CD226: variants seen among roughly 807,000 people sequenced by gnomAD.
The protein encoded by CD226 is CD226 antigen.
A neutral mutation model predicts 34.9 loss-of-function variants in CD226; 24 were observed. The ratio of observed to expected loss-of-function variants is 0.69; its 90% CI spans 0.50 to 0.97. CD226 has a LOEUF of 0.97. CD226 is among the 50% of genes least tolerant of loss of function. CD226 has a pLI of 0.00. For synonymous variants in CD226, 148 were observed against 147.4 expected (o/e 1.00, Z -0.03); for missense variants, 397 against 412.7 (o/e 0.96, Z 0.33).
Position 69,858,523 on chromosome 18 carries a change from T to TG in CD226, c.*5790dup, listed in dbSNP as rs1001866790. ...TAGGGGCTCAGGACTCATCCGAACG[T>TG]GGGGTACTGATGCTGCTCAGATTCA... On this transcript the variant is annotated 3_prime_UTR_variant, in exon 6 of 6. Coordinates refer to ENST00000582621, the MANE Select transcript of CD226 (RefSeq NM_001303618.2). The TG allele has an allele frequency of 4.6e-5, 7 of 152,034 alleles. No individual in the cohort carries two copies. Among genetic ancestry groups the TG allele is most frequent in the African/African-American group, 1.7e-4 (7 of 41,384 alleles). 9.4% of individuals were successfully genotyped at this position (152,034 alleles called of 1,614,324 possible). A position where few individuals can be genotyped will look rare whatever the true frequency, so the allele number is the denominator to read the frequency against.
At chr18:69,954,782 G>A (rs1234155922) in intron 1 of CD226, among the ~76,000 whole-genome samples, 1 of 152,154 alleles carries the variant, frequency 6.6e-6, no homozygotes, top group East Asian at 1.9e-4. Flanking sequence ...TCGAATGAAA[G>A]GGGCAGAAAG....
chr18:69,909,341 T>G (rs946552400), intron 2 of CD226, among the ~76,000 whole-genome samples: 1 of 152,144 alleles, frequency 6.6e-6, no homozygotes, highest in African/African-American at 2.4e-5. Flanking sequence ...CCATTCCCAC[T>G]TCTGCCAAAT....
chr18:69,905,507 G>A (rs1568184452), intron 2 of CD226, among the ~76,000 whole-genome samples: 1 of 152,154 alleles, frequency 6.6e-6, no homozygotes. Context: ...CTGCCAAGGT[G>A]AGTGCACCGC....
At chr18:69,938,150 T>A (rs117472635) in intron 2 of CD226, among the ~76,000 whole-genome samples, 1 of 152,118 alleles carries the variant, frequency 6.6e-6, no homozygotes, top group East Asian at 1.9e-4. Flanking sequence ...ATATGGGAGA[T>A]CACAGAGTCA....
At chr18:69,959,051 A>G (rs577168121), upstream of CD226, among the ~76,000 whole-genome samples, 3 of 152,332 alleles carry the variant, frequency 2.0e-5, no homozygotes, top group South Asian at 6.2e-4. Flanking sequence ...TTCCAAAGAA[A>G]CACAGGCATC....
At chr18:69,896,757 A>T (rs1193923055) in intron 2 of CD226, among the ~76,000 whole-genome samples, 1 of 152,188 alleles carries the variant, frequency 6.6e-6, no homozygotes, top group African/African-American at 2.4e-5. Flanking sequence ...GGTTATAATC[A>T]TTCTGGCTAA....
At chr18:69,900,315 A>G (rs1389613138) in intron 2 of CD226, among the ~76,000 whole-genome samples, 1 of 149,776 alleles carries the variant, frequency 6.7e-6, no homozygotes, top group Admixed American at 6.6e-5. Context: ...GAAGCAGAAA[A>G]GAGAACTCTT....
chr18:69,947,429 T>C lies in CD226; in HGVS notation c.-23A>G, dbSNP rs777152488. 11 of 1,516,552 alleles carry C rather than the reference T, an allele frequency of 7.3e-6. No homozygotes were observed. Among genetic ancestry groups the C allele is most frequent in the East Asian group, 2.4e-5 (1 of 42,142 alleles). The allele number at this position is 1,516,552 out of a possible 1,614,324, so 93.9% of individuals were successfully genotyped here. A position where few individuals can be genotyped will look rare whatever the true frequency, so the allele number is the denominator to read the frequency against. ...CATCTCTGGAAACTGTTTGAAAGGC[T>C]GGTTCTATTAAAAAAAAAAATTGCT... On this transcript the variant is annotated 5_prime_UTR_variant, in exon 1 of 6. Transcript: ENST00000582621.
chr18:69,899,848 A>G (rs144408230), intron 2 of CD226, among the ~76,000 whole-genome samples: 2,652 of 152,296 alleles, frequency 0.017, 34 homozygotes, highest in Admixed American at 0.027. Context: ...AATTAATTCA[A>G]CCATTGTGGA....
In CD226 at chr18:69,900,657, G is replaced by A. The variant is rs964791159; in HGVS notation, c.383-4612C>T. Among the ~76,000 whole-genome samples the A allele has an allele frequency of 1.4e-3, 216 of 149,342 alleles. 1 individual carries two copies. The highest frequency in any genetic ancestry group is 5.0e-3 in the African/African-American group (201 of 40,428). On this transcript the variant is annotated intron_variant, in intron 2 of 5. Transcript: ENST00000582621. ...TGAGGCAGGAGAATGGCGTGAACCC[G>A]GGAGGCGGAGCTTGCAGTGAGCCGA...
chr18:69,870,156 C>A (rs1337540951), intron 4 of CD226, among the ~76,000 whole-genome samples: 2 of 151,888 alleles, frequency 1.3e-5, no homozygotes, highest in Non-Finnish European at 2.9e-5. Context: ...GTTCCCTATC[C>A]ATTAATGCCA....
At chr18:69,868,826 G>GAC (rs1983319552) in intron 4 of CD226, among the ~76,000 whole-genome samples, 14 of 82,264 alleles carry the variant, frequency 1.7e-4, no homozygotes, top group African/African-American at 3.7e-4. Flanking sequence ...CACACACACA[G>GAC]ACACACACAT....
chr18:69,884,672 T>C lies in CD226; in HGVS notation c.727+11029A>G, dbSNP rs190882755. ...AAGCACCTCACTCAAGGTGCAAAAG[T>C]ACCTCCTGTCATAAAGATGTGAGAA... On this transcript the variant is annotated intron_variant, in intron 3 of 5. Transcript: ENST00000582621. Among the ~76,000 whole-genome samples the C allele has an allele frequency of 2.1e-3, 321 of 152,322 alleles. 1 individual carries two copies. Among genetic ancestry groups the C allele is most frequent in the South Asian group, 3.1e-3 (15 of 4,830 alleles).
intron 2 of CD226, among the ~76,000 whole-genome samples, chr18:69,932,070 C>A (rs1036041328): frequency 2.5e-4 from 38 of 152,120 alleles, no homozygotes. Context: ...ACCCTAATAA[C>A]CTCATTTTAA....
At chr18:69,867,490 T>C (rs574304820) in intron 4 of CD226, 79 bp from the exon 5 acceptor site, 1 of 913,288 alleles carries the variant, frequency 1.1e-6, no homozygotes, top group East Asian at 2.4e-5. Flanking sequence ...TATACCTCAC[T>C]GTACCCCTAG....
chr18:69,911,624 A>AGCTTTT (rs2055326258), intron 2 of CD226, among the ~76,000 whole-genome samples: 1 of 152,194 alleles, frequency 6.6e-6, no homozygotes, highest in African/African-American at 2.4e-5. Context: ...GTTTGGAATA[A>AGCTTTT]TACCCAATTC....
chr18:69,950,259 GTCTC>G (rs541981361), upstream of CD226, among the ~76,000 whole-genome samples: 71 of 151,064 alleles, frequency 4.7e-4, 1 homozygote, highest in South Asian at 2.9e-3. Flanking sequence ...CACACACTCT[GTCTC>G]TCTCTCTCTC....
chr18:69,909,981 A>C (rs1250355981), intron 2 of CD226, among the ~76,000 whole-genome samples: 1 of 152,252 alleles, frequency 6.6e-6, no homozygotes, highest in Non-Finnish European at 1.5e-5. Flanking sequence ...TGTACAGAAA[A>C]AAATTATCAA....
At chr18:69,931,451 AAAAC>A (rs1182532135) in intron 2 of CD226, among the ~76,000 whole-genome samples, 5 of 152,202 alleles carry the variant, frequency 3.3e-5, no homozygotes, top group African/African-American at 1.2e-4. Flanking sequence ...AAAGAAGAAA[AAAAC>A]AGACAACAGA....
Sources: gnomAD v4.1 joint callset for allele counts (sites outside exome capture counted in the v4.1 genomes callset) on GRCh38, gnomAD v4.1.1 for gene constraint, MANE v1.5 for transcripts, NCBI Gene and HGNC (gene_info 2026-07-23, HGNC 2026-07-21) for gene names.